CTNND2: variants seen among roughly 807,000 people sequenced by gnomAD.
CTNND2 encodes the protein catenin delta 2.
CTNND2 carries 22 observed loss-of-function variants against 144.4 expected under a neutral mutation model. That is an observed-to-expected ratio of 0.15 (90% CI 0.11 to 0.22). CTNND2 has a LOEUF of 0.22. CTNND2 is among the 10% of genes least tolerant of loss of function. The pLI is 1.00. For synonymous variants in CTNND2, 751 were observed against 695.6 expected (o/e 1.08, Z -1.25); for missense variants, 1,353 against 1,618.8 (o/e 0.84, Z 2.82).
intron 2 of CTNND2, among the ~76,000 whole-genome samples, chr5:11,659,566 A>T (rs1348266631): frequency 6.6e-6 from 1 of 152,114 alleles, no homozygotes; most frequent in Non-Finnish European, 1.5e-5. Flanking sequence ...TATACCCAGA[A>T]CTAGAACAAG....
At chr5:11,214,316 T>C (rs1738948845) in intron 10 of CTNND2, among the ~76,000 whole-genome samples, 1 of 152,230 alleles carries the variant, frequency 6.6e-6, no homozygotes, top group Admixed American at 6.5e-5. Flanking sequence ...TATTTACTGA[T>C]TTTCTAATTT....
At chr5:11,593,966 G>A (rs1251370969) in intron 2 of CTNND2, among the ~76,000 whole-genome samples, 1 of 152,194 alleles carries the variant, frequency 6.6e-6, no homozygotes, top group Non-Finnish European at 1.5e-5. Flanking sequence ...TCATAAAACT[G>A]TAAGTGGGAA....
intron 3 of CTNND2, among the ~76,000 whole-genome samples, chr5:11,471,983 T>C (rs1581268589): frequency 6.6e-6 from 1 of 152,218 alleles, no homozygotes; most frequent in East Asian, 1.9e-4. Context: ...TTACCATATA[T>C]AGAACAATTC....
rs553703361 is a variant in CTNND2 at position 11,860,063 on chromosome 5, T to C, written c.37+43754A>G. Among the ~76,000 whole-genome samples the C allele has an allele frequency of 2.0e-5, 3 of 152,350 alleles. No homozygotes were observed. In the South Asian group the frequency reaches 6.2e-4, roughly 32 times the overall value. On this transcript the variant is annotated intron_variant, in intron 1 of 21. Coordinates refer to ENST00000304623, the MANE Select transcript of CTNND2 (RefSeq NM_001332.4). ...AATCATATTCATTCATCATAACAACTGTGATCAATCGGATTAAATATCTAA... is the reference window on the plus strand; with the variant it reads ...AATCATATTCATTCATCATAACAACCGTGATCAATCGGATTAAATATCTAA...
chr5:11,147,214 A>T lies in CTNND2; in HGVS notation c.2159+12362T>A, dbSNP rs576578605. 2.6e-4 allele frequency among the ~76,000 whole-genome samples: 40 copies of T among 152,338 alleles called. No individual in the cohort carries two copies. The East Asian group carries it at 6.8e-3, about 26-fold the overall frequency. ...ATGGGCCTTAAATACCCAAGCACAC[A>T]GGCAAGAATATCCCTCCAAATTGTG... On this transcript the variant is annotated intron_variant, in intron 12 of 21. Transcript: ENST00000304623.
intron 1 of CTNND2, among the ~76,000 whole-genome samples, chr5:11,772,762 G>C (rs1790022762): frequency 6.6e-6 from 1 of 152,146 alleles, no homozygotes; most frequent in Non-Finnish European, 1.5e-5. Context: ...GCCACGGTGG[G>C]GGAGTCCGGA....
At chr5:11,092,003 C>T (rs895441454) in intron 15 of CTNND2, among the ~76,000 whole-genome samples, 1 of 152,090 alleles carries the variant, frequency 6.6e-6, no homozygotes, top group African/African-American at 2.4e-5. Flanking sequence ...CTCCCGATTC[C>T]CCGATCCATC....
At chr5:11,893,636 A>G (rs971222224) in intron 1 of CTNND2, among the ~76,000 whole-genome samples, 6 of 152,136 alleles carry the variant, frequency 3.9e-5, no homozygotes, top group Admixed American at 6.5e-5. Context: ...TCCATCGCCT[A>G]TATTTGCAAA....
intron 1 of CTNND2, among the ~76,000 whole-genome samples, chr5:11,800,865 A>T (rs1054353175): frequency 6.6e-6 from 1 of 152,184 alleles, no homozygotes; most frequent in Non-Finnish European, 1.5e-5. Flanking sequence ...ATCACAAAAT[A>T]CATTTTAGAA....
At chr5:11,246,276 G>A (rs1208287717) in intron 9 of CTNND2, among the ~76,000 whole-genome samples, 2 of 152,182 alleles carry the variant, frequency 1.3e-5, no homozygotes, top group Admixed American at 6.5e-5. Context: ...TGTCCTCCTG[G>A]AACCTTAGAA....
At chr5:11,703,522 C>T (rs1477783635) in intron 2 of CTNND2, among the ~76,000 whole-genome samples, 2 of 152,194 alleles carry the variant, frequency 1.3e-5, no homozygotes, top group Non-Finnish European at 2.9e-5. Flanking sequence ...CAGAGTTACA[C>T]CTTCTGCCAA....
chr5:11,882,123 G>A (rs1164764560), intron 1 of CTNND2, among the ~76,000 whole-genome samples: 1 of 151,776 alleles, frequency 6.6e-6, no homozygotes, highest in Admixed American at 6.6e-5. Context: ...TTTACTCCTT[G>A]CCAGATGGAT....
chr5:11,641,149 T>C (rs1277210247), intron 2 of CTNND2, among the ~76,000 whole-genome samples: 1 of 152,268 alleles, frequency 6.6e-6, no homozygotes, highest in East Asian at 1.9e-4. Context: ...CCTCACTTTT[T>C]ATTATTACAT....
In CTNND2 at chr5:10,991,221, T is replaced by C. The variant is rs537866136; in HGVS notation, c.3211+1330A>G. ...TCAGATATTGGCCATTCATTTCTCATCATGTTGACAGTAAAGTCTGGCGTG... is the reference window on the plus strand; with the variant it reads ...TCAGATATTGGCCATTCATTTCTCACCATGTTGACAGTAAAGTCTGGCGTG... On this transcript the variant is annotated intron_variant, in intron 19 of 21. Coordinates refer to ENST00000304623, the MANE Select transcript of CTNND2 (RefSeq NM_001332.4). Among the ~76,000 whole-genome samples the C allele has an allele frequency of 5.9e-5, 9 of 152,336 alleles. No homozygotes were observed. The South Asian group carries it at 1.9e-3, about 32-fold the overall frequency.
At chr5:11,522,784 A>G (rs905315433) in intron 3 of CTNND2, among the ~76,000 whole-genome samples, 1 of 152,186 alleles carries the variant, frequency 6.6e-6, no homozygotes, top group African/African-American at 2.4e-5. Context: ...TTCCATATAG[A>G]CACAGGTTTT....
At chr5:11,834,897 T>C (rs1370059796) in intron 1 of CTNND2, among the ~76,000 whole-genome samples, 2 of 152,164 alleles carry the variant, frequency 1.3e-5, no homozygotes, top group East Asian at 3.9e-4. Flanking sequence ...TCATAGCCCT[T>C]TGGGAGTCCA....
intron 19 of CTNND2, among the ~76,000 whole-genome samples, chr5:10,992,121 T>C (rs1431394570): frequency 6.6e-6 from 1 of 152,140 alleles, no homozygotes; most frequent in African/African-American, 2.4e-5. Context: ...TTTCACCATG[T>C]TGCCCAGGAT....
intron 2 of CTNND2, among the ~76,000 whole-genome samples, chr5:11,705,232 A>G (rs1270026772): frequency 6.6e-6 from 1 of 152,182 alleles, no homozygotes; most frequent in Non-Finnish European, 1.5e-5. Flanking sequence ...ATGTGTCTCC[A>G]ACCCAAAGGA....
intron 15 of CTNND2, among the ~76,000 whole-genome samples, chr5:11,097,346 C>T (rs1751454289): frequency 6.6e-6 from 1 of 152,168 alleles, no homozygotes; most frequent in Non-Finnish European, 1.5e-5. Flanking sequence ...TTTTCTCTAC[C>T]AATCTCTGGT....
Sources: gnomAD v4.1 joint callset for allele counts (sites outside exome capture counted in the v4.1 genomes callset) on GRCh38, gnomAD v4.1.1 for gene constraint, MANE v1.5 for transcripts, NCBI Gene and HGNC (gene_info 2026-07-23, HGNC 2026-07-21) for gene names.